COL6A6: variants seen among roughly 807,000 people sequenced by gnomAD.
The protein encoded by COL6A6 is collagen type VI alpha 6 chain, also known as collagen alpha-6(VI) chain.
A neutral mutation model predicts 208.6 loss-of-function variants in COL6A6; 183 were observed. The ratio of observed to expected loss-of-function variants is 0.88; its 90% CI spans 0.78 to 0.99. The LOEUF (loss-of-function observed/expected upper bound fraction) is 0.99, where lower values mean the gene tolerates loss of function less well. Ranked by LOEUF, COL6A6 falls within the 50% of genes least tolerant of loss-of-function variation. The probability of loss-of-function intolerance (pLI) is 0.00; values close to 1 mark genes in which losing one functional copy is unlikely to be tolerated. For synonymous variants in COL6A6, 973 were observed against 1,011.8 expected (o/e 0.96, Z 0.73); for missense variants, 2,816 against 2,815.2 (o/e 1.00, Z -0.01).
intron 4 of COL6A6, among the ~76,000 whole-genome samples, chr3:130,566,120 G>A (rs1326752270): frequency 6.6e-6 from 1 of 151,944 alleles, no homozygotes. Flanking sequence ...AGAGACAGAG[G>A]GTGATGTATC....
chr3:130,573,563 C>CTT (rs55821593), intron 7 of COL6A6, among the ~76,000 whole-genome samples: 15 of 84,512 alleles, frequency 1.8e-4, no homozygotes, highest in African/African-American at 4.8e-4. Flanking sequence ...TAGCTGCAAA[C>CTT]TTTTTTTTTT....
At chr3:130,588,796 G>A (rs1423265911) in intron 11 of COL6A6, among the ~76,000 whole-genome samples, 1 of 151,910 alleles carries the variant, frequency 6.6e-6, no homozygotes, top group Non-Finnish European at 1.5e-5. Flanking sequence ...CACATCAGTT[G>A]GCATGCAGTC....
intron 23 of COL6A6, among the ~76,000 whole-genome samples, chr3:130,621,043 G>T (rs936836842): frequency 6.6e-6 from 1 of 152,164 alleles, no homozygotes; most frequent in Non-Finnish European, 1.5e-5. Context: ...TCAGTCTAAA[G>T]TTGTTCCAAT....
chr3:130,551,414 G>C (rs2107800949), intron 1 of COL6A6, among the ~76,000 whole-genome samples: 1 of 152,196 alleles, frequency 6.6e-6, no homozygotes, highest in East Asian at 1.9e-4. Flanking sequence ...ATGTGTCCAG[G>C]ATTTATCTGT....
intron 1 of COL6A6, among the ~76,000 whole-genome samples, chr3:130,532,779 T>C (rs2062130262): frequency 6.6e-6 from 1 of 152,184 alleles, no homozygotes; most frequent in Non-Finnish European, 1.5e-5. Flanking sequence ...GGGTAATTCT[T>C]GCTTAGGGTC....
chr3:130,642,110 G>C (rs979197567), intron 29 of COL6A6, among the ~76,000 whole-genome samples: 1 of 152,106 alleles, frequency 6.6e-6, no homozygotes. Context: ...GTCAGGGGGG[G>C]CTCTGTTGCA....
intron 26 of COL6A6, 67 bp downstream of exon 26, chr3:130,627,436 A>C: frequency 7.0e-7 from 1 of 1,427,466 alleles, no homozygotes; most frequent in Non-Finnish European, 9.9e-7. Flanking sequence ...TGTTTGCCAC[A>C]TTTAAGAGAA....
In COL6A6 at chr3:130,568,348, C is replaced by T. The variant is rs186411715; in HGVS notation, c.2145C>T (p.Thr715=). Residue 715 remains threonine, a synonymous_variant, in exon 6 of 37, where the codon ACC becomes ACT. Coordinates refer to ENST00000358511, the MANE Select transcript of COL6A6 (RefSeq NM_001102608.3). ...LSFVSQYFSP[T]KGARPNIRKF... ...TTGTGTCTCAGTACTTCAGCCCCACCAAGGGCGCCCGGCCCAACATCAGAA... is the reference window on the plus strand; with the variant it reads ...TTGTGTCTCAGTACTTCAGCCCCACTAAGGGCGCCCGGCCCAACATCAGAA... The T allele has an allele frequency of 6.1e-4, 984 of 1,614,000 alleles. 3 individuals carry two copies. In the Middle Eastern group the frequency reaches 0.012, roughly 19 times the overall value.
intron 24 of COL6A6, among the ~76,000 whole-genome samples, chr3:130,623,240 T>C (rs1017275386): frequency 1.3e-5 from 2 of 152,136 alleles, no homozygotes; most frequent in African/African-American, 4.8e-5. Flanking sequence ...GGTGGATCAC[T>C]TGAGGTCGGG....
intron 11 of COL6A6, 114 bp downstream of exon 11, chr3:130,586,774 G>C (rs1044965306): frequency 2.9e-6 from 3 of 1,032,358 alleles, no homozygotes; most frequent in Non-Finnish European, 4.1e-6. Context: ...GTGAAGAAAG[G>C]TTTTTATGAA....
At chr3:130,614,719 C>A (rs559943417) in intron 23 of COL6A6, among the ~76,000 whole-genome samples, 38 of 152,152 alleles carry the variant, frequency 2.5e-4, no homozygotes, top group African/African-American at 8.9e-4. Context: ...GATTCAATTT[C>A]TTTGTGGTTC....
At chr3:130,521,435 A>G (rs1209916672) in intron 1 of COL6A6, among the ~76,000 whole-genome samples, 1 of 152,166 alleles carries the variant, frequency 6.6e-6, no homozygotes, top group East Asian at 1.9e-4. Flanking sequence ...TCGTACCCCT[A>G]CCTCATCCTA....
intron 32 of COL6A6, among the ~76,000 whole-genome samples, chr3:130,645,443 A>C (rs1300880704): frequency 1.3e-5 from 2 of 151,940 alleles, no homozygotes; most frequent in Non-Finnish European, 2.9e-5. Context: ...ATGCTTGACT[A>C]ATTTTTGTAT....
chr3:130,560,058 T>C (rs1273665494), intron 1 of COL6A6, among the ~76,000 whole-genome samples: 1 of 152,204 alleles, frequency 6.6e-6, no homozygotes, highest in Non-Finnish European at 1.5e-5. Context: ...GAACGCGTAA[T>C]ATTGTTAGCA....
Position 130,649,093 on chromosome 3 carries a change from C to A in COL6A6, c.5264C>A (p.Pro1755Gln). 3 of 1,572,232 alleles carry A rather than the reference C, an allele frequency of 1.9e-6. No individual in the cohort carries two copies. The highest frequency in any genetic ancestry group is 1.2e-5 in the South Asian group (1 of 85,480). ...GGAAAACCGGAATGCCCAGTGCACC[C>A]AACCGAGTTGGTGTTTGCCCTGGAC... ...RHGKPECPVH[P>Q]TELVFALDHS... Residue 1755 changes from proline to glutamine, a missense_variant, in exon 33 of 37, where the codon CCA (proline) becomes CAA (glutamine). By Grantham distance (76) the Pro-to-Gln change is moderately conservative (BLOSUM62 -1). Transcript: ENST00000358511.
At chr3:130,523,762 AT>A in intron 1 of COL6A6, among the ~76,000 whole-genome samples, 1 of 152,336 alleles carries the variant, frequency 6.6e-6, no homozygotes, top group South Asian at 2.1e-4. Context: ...GGAAAGTATC[AT>A]TTAGCTAAAA....
intron 1 of COL6A6, among the ~76,000 whole-genome samples, chr3:130,556,397 A>G (rs984800717): frequency 6.6e-6 from 1 of 152,156 alleles, no homozygotes; most frequent in Non-Finnish European, 1.5e-5. Context: ...CTGCTCTCTA[A>G]AATACTTTAT....
chr3:130,567,514 C>T (rs1359392523), intron 5 of COL6A6, among the ~76,000 whole-genome samples: 1 of 152,106 alleles, frequency 6.6e-6, no homozygotes, highest in African/African-American at 2.4e-5. Context: ...CAATTTCTTG[C>T]CAGGATAGAT....
At chr3:130,546,157 C>A (rs139980932) in intron 1 of COL6A6, among the ~76,000 whole-genome samples, 1 of 152,108 alleles carries the variant, frequency 6.6e-6, no homozygotes, top group Non-Finnish European at 1.5e-5. Flanking sequence ...CGGACCCTCG[C>A]GGTGAGTGTT....
Sources: gnomAD v4.1 joint callset for allele counts (sites outside exome capture counted in the v4.1 genomes callset) on GRCh38, gnomAD v4.1.1 for gene constraint, MANE v1.5 for transcripts, NCBI Gene and HGNC (gene_info 2026-07-23, HGNC 2026-07-21) for gene names.